Variants in CLIC1 observed in about 807,000 individuals in gnomAD.
The protein encoded by CLIC1 is CLIC family member 1, also known as chloride intracellular channel protein 1.
A neutral mutation model predicts 26.4 loss-of-function variants in CLIC1; 16 were observed. The observed-to-expected ratio is 0.61, with a 90% CI of 0.41 to 0.92. CLIC1 has a LOEUF of 0.92. Among genes scored for constraint, CLIC1 ranks in the 40% least tolerant of loss-of-function variants. The pLI is 0.00. For synonymous variants in CLIC1, 98 were observed against 120.8 expected (o/e 0.81, Z 1.24); for missense variants, 225 against 289.7 (o/e 0.78, Z 1.62).
At position 31,733,568 on chromosome 6, in the gene CLIC1, T is replaced by C. The variant is rs151059852; in HGVS notation, c.380A>G (p.Asp127Gly). The change falls in exon 4 of 6, where the codon GAC becomes GGC. Residue 127 changes from aspartate (D) to glycine (G), a missense_variant and splice_region_variant. Asp to Gly is a moderately conservative substitution (Grantham distance 94). Coordinates refer to ENST00000375784, the Ensembl canonical transcript of CLIC1. This position sits in a 1 kb window ranked among gnomAD's most constrained non-coding sequence, Gnocchi z 5.4. ...GGCCTCTGACCCACAAGACTCACTG[T>C]CATTGAGTGCTGGGTTTGAATTCTT... is the stretch of plus-strand genomic sequence containing the variant. 2,010 of 1,610,456 alleles carry C rather than the reference T, an allele frequency of 1.2e-3. 15 individuals carry two copies. In the South Asian group the frequency reaches 0.014, roughly 11 times the overall value.
At position 31,733,546 on chromosome 6, in the gene CLIC1, C is replaced by G. The variant is rs529136240; in HGVS notation, c.382+20G>C. 28 of 1,597,810 alleles carry G rather than the reference C, an allele frequency of 1.8e-5. No homozygotes were observed. Among genetic ancestry groups the G allele is most frequent in the Non-Finnish European group, 2.2e-5 (26 of 1,167,188 alleles). ...TCTCTATTCCTCCCAGGACCCAGGCCTCTGACCCACAAGACTCACTGTCAT... is the reference window on the plus strand; with the variant it reads ...TCTCTATTCCTCCCAGGACCCAGGCGTCTGACCCACAAGACTCACTGTCAT... On this transcript the variant is annotated intron_variant, in intron 4 of 5. Coordinates refer to ENST00000375784, the Ensembl canonical transcript of CLIC1. This position sits in a 1 kb window ranked among gnomAD's most constrained non-coding sequence, Gnocchi z 5.4.
At position 31,732,256 on chromosome 6, in the gene CLIC1, C is replaced by T; in HGVS notation, c.525G>A (p.Leu175=). The stretch of plus-strand genomic sequence containing the variant: ...ACTTTGGCAACAGGTTGCAGTCAGC[C>T]AGGGTGAGCTCGTTGCCATCCAAAA... Residue 175 remains leucine, a synonymous_variant, in exon 5 of 6, where the codon CTG becomes CTA. Coordinates refer to ENST00000375784, the Ensembl canonical transcript of CLIC1. This position sits in a 1 kb window ranked among gnomAD's most constrained non-coding sequence, Gnocchi z 5.0. 1 of 1,584,824 alleles carries T rather than the reference C, an allele frequency of 6.3e-7. No individual in the cohort carries two copies.
rs1386766206 is a variant in CLIC1 at position 31,736,463 on chromosome 6, T to A, written c.-163A>T. Reference sequence around the variant, plus strand: ...GACCTACTTGCACCCAAACTAGGCCTCCCCACCAGCCCAACGCACCCCACA... The same window carrying A: ...GACCTACTTGCACCCAAACTAGGCCACCCCACCAGCCCAACGCACCCCACA... On this transcript the variant is annotated 5_prime_UTR_variant, in exon 1 of 6. Coordinates refer to ENST00000375784, the Ensembl canonical transcript of CLIC1. This position sits in a 1 kb window ranked among gnomAD's most constrained non-coding sequence, Gnocchi z 5.0. 1 of 1,426,626 alleles carries A rather than the reference T, an allele frequency of 7.0e-7. No homozygotes were observed. Among genetic ancestry groups the A allele is most frequent in the Non-Finnish European group, 9.2e-7 (1 of 1,086,200 alleles). 88.4% of individuals were successfully genotyped at this position (1,426,626 alleles called of 1,614,324 possible). A position where few individuals can be genotyped will look rare whatever the true frequency, so the allele number is the denominator to read the frequency against.
At chr6:31,731,463 G>A (rs916156945) in intron 5 of CLIC1, among the ~76,000 whole-genome samples, 3 of 152,094 alleles carry the variant, frequency 2.0e-5, no homozygotes, top group South Asian at 2.1e-4. Context: ...CACCATGTGC[G>A]GCTAATTTTT....
Position 31,733,890 on chromosome 6 carries a change from T to G in CLIC1, c.221A>C (p.His74Pro). 6.2e-7 allele frequency: 1 copy of G among 1,614,096 alleles called. No homozygotes were observed. The highest frequency in any genetic ancestry group is 8.5e-7 in the Non-Finnish European group (1 of 1,180,046). ...TTCCTCAATCTTGTTGGTGTCTGTG[T>G]GCACTTCAGTGCCATACAGCAGGAA... Residue 74 changes from histidine (H) to proline (P), a missense_variant, in exon 3 of 6, where the codon CAC (histidine) becomes CCC (proline). Transcript: ENST00000375784. This position sits in a 1 kb window ranked among gnomAD's most constrained non-coding sequence, Gnocchi z 5.4.
Position 31,732,939 on chromosome 6 carries a change from T to G in CLIC1, c.383-541A>C, listed in dbSNP as rs1363970821. Among the ~76,000 whole-genome samples, 3 of 151,748 alleles carry G rather than the reference T, an allele frequency of 2.0e-5. No homozygotes were observed. In the East Asian group the frequency reaches 5.9e-4, roughly 30 times the overall value. On this transcript the variant is annotated intron_variant, in intron 4 of 5. Transcript: ENST00000375784. This position sits in a 1 kb window ranked among gnomAD's most constrained non-coding sequence, Gnocchi z 5.0. ...GAGTTCAAGACCAGCCTGGCCAACA[T>G]GGTGAAACCCTGTCTCTACTAAAAA...
At position 31,736,156 on chromosome 6, in the gene CLIC1, G is replaced by C; in HGVS notation, c.39+106C>G. On this transcript the variant is annotated intron_variant, in intron 1 of 5. Transcript: ENST00000375784. The surrounding 1 kb of genome is among the most constrained non-coding windows in gnomAD (Gnocchi z 5.0). ...ACCAAAGAGTGCACGTGGGATTGGG[G>C]GTGGGAGTCAAGGAGGGAAGGGATT... 8.7e-7 allele frequency: 1 copy of C among 1,151,626 alleles called. No individual in the cohort carries two copies. Among genetic ancestry groups the C allele is most frequent in the East Asian group, 2.4e-5 (1 of 42,218 alleles). 71.3% of individuals were successfully genotyped at this position (1,151,626 alleles called of 1,614,324 possible). A position where few individuals can be genotyped will look rare whatever the true frequency, so the allele number is the denominator to read the frequency against.
In CLIC1 at chr6:31,734,747, A is replaced by G. The variant is rs1402835227; in HGVS notation, c.40-484T>C. The stretch of plus-strand genomic sequence containing the variant: ...AGGGGCCCTGGGCCTCGCGCTAGAG[A>G]TGTGGAGGGCCCTACAGAGAGGGGC... On this transcript the variant is annotated intron_variant, in intron 1 of 5. Coordinates refer to ENST00000375784, the Ensembl canonical transcript of CLIC1. The surrounding 1 kb of genome is among the most constrained non-coding windows in gnomAD (Gnocchi z 5.3). Among the ~76,000 whole-genome samples, 5 of 152,086 alleles carry G rather than the reference A, an allele frequency of 3.3e-5. No individual in the cohort carries two copies. Among genetic ancestry groups the G allele is most frequent in the Non-Finnish European group, 7.4e-5 (5 of 67,992 alleles).
chr6:31,733,483 C>T lies in CLIC1; in HGVS notation c.382+83G>A, dbSNP rs2151317535. Reference sequence around the variant, plus strand: ...CTGCTTCATCTCCCTGATATCTGAACGTCCAGGTGCCCCTAATGTCTCCTA... The same window carrying T: ...CTGCTTCATCTCCCTGATATCTGAATGTCCAGGTGCCCCTAATGTCTCCTA... On this transcript the variant is annotated intron_variant, in intron 4 of 5. Coordinates refer to ENST00000375784, the Ensembl canonical transcript of CLIC1. The surrounding 1 kb of genome is among the most constrained non-coding windows in gnomAD (Gnocchi z 5.4). The T allele has an allele frequency of 1.2e-5, 11 of 921,826 alleles. No individual in the cohort carries two copies. The highest frequency in any genetic ancestry group is 4.1e-5 in the South Asian group (3 of 72,460). The allele number at this position is 921,826 out of a possible 1,614,324, so 57.1% of individuals were successfully genotyped here. A position where few individuals can be genotyped will look rare whatever the true frequency, so the allele number is the denominator to read the frequency against.
Position 31,734,320 on chromosome 6 carries a change from C to T in CLIC1, c.40-57G>A. ...TGATGCACCCCACCCATCCCTAGGC[C>T]AGTCCCTGCATTCCCACTCCCAGAC... On this transcript the variant is annotated intron_variant, in intron 1 of 5. Transcript: ENST00000375784. The surrounding 1 kb of genome is among the most constrained non-coding windows in gnomAD (Gnocchi z 5.3). 5 of 1,307,296 alleles carry T rather than the reference C, an allele frequency of 3.8e-6. No homozygotes were observed. The highest frequency in any genetic ancestry group is 5.5e-6 in the Non-Finnish European group (5 of 911,944). 81.0% of individuals were successfully genotyped at this position (1,307,296 alleles called of 1,614,324 possible).
rs369929039 is a variant in CLIC1 at position 31,736,012 on chromosome 6, C to T, written c.39+250G>A. ...ACTTTTGGGAATTCTCCTTTTTCTC[C>T]ACTTCCCTTCCTTTAGTCTGCTAGA... On this transcript the variant is annotated intron_variant, in intron 1 of 5. Coordinates refer to ENST00000375784, the Ensembl canonical transcript of CLIC1. The surrounding 1 kb of genome is among the most constrained non-coding windows in gnomAD (Gnocchi z 5.0). Among the ~76,000 whole-genome samples, 31 of 152,138 alleles carry T rather than the reference C, an allele frequency of 2.0e-4. No individual in the cohort carries two copies. Among genetic ancestry groups the T allele is most frequent in the African/African-American group, 6.8e-4 (28 of 41,406 alleles).
At position 31,730,628 on chromosome 6, in the gene CLIC1, T is replaced by C. The variant is rs1807843236; in HGVS notation, c.*214A>G. On this transcript the variant is annotated 3_prime_UTR_variant, in exon 6 of 6. Coordinates refer to ENST00000375784, the Ensembl canonical transcript of CLIC1. The surrounding 1 kb of genome is among the most constrained non-coding windows in gnomAD (Gnocchi z 5.1). ...TATTCTGTATTTTATTACTGAAATA[T>C]GTTGTCCTACTCATCCCACCCCACA... is the stretch of plus-strand genomic sequence containing the variant. The C allele has an allele frequency of 7.0e-6, 4 of 571,126 alleles. No homozygotes were observed. In the East Asian group the frequency reaches 1.1e-4, roughly 16 times the overall value. The allele number at this position is 571,126 out of a possible 1,614,324, so 35.4% of individuals were successfully genotyped here. A position where few individuals can be genotyped will look rare whatever the true frequency, so the allele number is the denominator to read the frequency against.
rs549670224 is a variant in CLIC1, at chr6:31,734,110, CAT to C, written c.149+42_149+43del. On this transcript the variant is annotated intron_variant, in intron 2 of 5. Coordinates refer to ENST00000375784, the Ensembl canonical transcript of CLIC1. This position sits in a 1 kb window ranked among gnomAD's most constrained non-coding sequence, Gnocchi z 5.3. Reference sequence around the variant, plus strand: ...ACTCGGGTGGGTGTGTGTTTGCACACATGTGTACACCAGGGGTGTTTCAAGGA... The same window carrying C: ...ACTCGGGTGGGTGTGTGTTTGCACACGTGTACACCAGGGGTGTTTCAAGGA... 2.9e-4 allele frequency: 461 copies of C among 1,592,146 alleles called. 4 individuals are homozygous for C. The East Asian group carries it at 0.01, about 35-fold the overall frequency.
At chr6:31,735,703 G>A (rs1033885981) in intron 1 of CLIC1, among the ~76,000 whole-genome samples, 2 of 151,468 alleles carry the variant, frequency 1.3e-5, no homozygotes, top group Admixed American at 6.6e-5. Context: ...TTCAAACTCC[G>A]ATCCCAGTCT....
In CLIC1 at chr6:31,734,054, G is replaced by C; in HGVS notation, c.150-93C>G. On this transcript the variant is annotated intron_variant, in intron 2 of 5. Coordinates refer to ENST00000375784, the Ensembl canonical transcript of CLIC1. The surrounding 1 kb of genome is among the most constrained non-coding windows in gnomAD (Gnocchi z 5.3). ...GACGTGGGATAAGAAAGGGACTCCAGGGGGAGGGCAAAAATGTTCATGACA... is the reference window on the plus strand; with the variant it reads ...GACGTGGGATAAGAAAGGGACTCCACGGGGAGGGCAAAAATGTTCATGACA... The C allele has an allele frequency of 6.3e-7, 1 of 1,587,948 alleles. No homozygotes were observed. Among genetic ancestry groups the C allele is most frequent in the Admixed American group, 1.7e-5 (1 of 59,572 alleles).
Position 31,733,850 on chromosome 6 carries a change from C to G in CLIC1, c.261G>C (p.Val87=). 6.2e-7 allele frequency: 1 copy of G among 1,614,188 alleles called. No individual in the cohort carries two copies. Among genetic ancestry groups the G allele is most frequent in the Non-Finnish European group, 8.5e-7 (1 of 1,180,026 alleles). ...TGCCCCTATACCTGGGAGGGCACAG[C>G]ACTGCCTCCAGAAATTCCTCAATCT... is the stretch of plus-strand genomic sequence containing the variant. Residue 87 remains valine (V), a synonymous_variant, in exon 3 of 6, where the codon GTG becomes GTC. Coordinates refer to ENST00000375784, the Ensembl canonical transcript of CLIC1. This position sits in a 1 kb window ranked among gnomAD's most constrained non-coding sequence, Gnocchi z 5.4.
At position 31,732,251 on chromosome 6, in the gene CLIC1, T is replaced by G; in HGVS notation, c.530A>C (p.Asp177Ala). Residue 177 changes from aspartate (D) to alanine (A), a missense_variant, in exon 5 of 6, where the codon GAC becomes GCC. Asp to Ala is a moderately radical substitution (Grantham distance 126). Transcript: ENST00000375784. The surrounding 1 kb of genome is among the most constrained non-coding windows in gnomAD (Gnocchi z 5.0). ...GTGTAACTTTGGCAACAGGTTGCAG[T>G]CAGCCAGGGTGAGCTCGTTGCCATC... 6.3e-7 allele frequency: 1 copy of G among 1,578,902 alleles called. No individual in the cohort carries two copies. The highest frequency in any genetic ancestry group is 8.6e-7 in the Non-Finnish European group (1 of 1,163,122).
chr6:31,730,880 C>G lies in CLIC1; in HGVS notation c.688G>C (p.Glu230Gln). ...TTTGCCACTTGCTCATAGGCGAGCT[C>G]GATCTCCTCATCATCTGGACAGGTG... The change falls in exon 6 of 6, where the codon GAG (glutamate) becomes CAG (glutamine). Residue 230 changes from glutamate (E) to glutamine (Q), a missense_variant. Transcript: ENST00000375784. This position sits in a 1 kb window ranked among gnomAD's most constrained non-coding sequence, Gnocchi z 5.1. 6.2e-7 allele frequency: 1 copy of G among 1,613,098 alleles called. No individual in the cohort carries two copies. Among genetic ancestry groups the G allele is most frequent in the East Asian group, 2.2e-5 (1 of 44,884 alleles).
In CLIC1 at chr6:31,734,124, G is replaced by T; in HGVS notation, c.149+30C>A. The T allele has an allele frequency of 6.3e-7, 1 of 1,592,384 alleles. No homozygotes were observed. The highest frequency in any genetic ancestry group is 1.1e-5 in the South Asian group (1 of 90,628). On this transcript the variant is annotated intron_variant, in intron 2 of 5. Coordinates refer to ENST00000375784, the Ensembl canonical transcript of CLIC1. This position sits in a 1 kb window ranked among gnomAD's most constrained non-coding sequence, Gnocchi z 5.3. ...GTGTTTGCACACATGTGTACACCAG[G>T]GGTGTTTCAAGGAACATAAGCAGGC...
Sources: gnomAD v4.1 joint callset for allele counts (sites outside exome capture counted in the v4.1 genomes callset) on GRCh38, gnomAD v4.1.1 for gene constraint, Gnocchi (gnomAD v3.1) non-coding constraint, MANE v1.5 for transcripts, NCBI Gene and HGNC (gene_info 2026-07-23, HGNC 2026-07-21) for gene names.